Variants in CFAP299 observed in about 807,000 individuals in gnomAD.
The protein encoded by CFAP299 is cilia- and flagella-associated protein 299.
A neutral mutation model predicts 27.0 loss-of-function variants in CFAP299; 21 were observed. That is an observed-to-expected ratio of 0.78 (90% CI 0.55 to 1.12). The LOEUF is 1.12. Among genes scored for constraint, CFAP299 ranks in the 50% most tolerant of loss-of-function variants. The pLI is 0.00. For synonymous variants in CFAP299, 104 were observed against 98.1 expected (o/e 1.06, Z -0.36); for missense variants, 310 against 276.6 (o/e 1.12, Z -0.86).
At chr4:80,641,753 A>G (rs1416703182) in intron 3 of CFAP299, among the ~76,000 whole-genome samples, 1 of 152,220 alleles carries the variant, frequency 6.6e-6, no homozygotes, top group Non-Finnish European at 1.5e-5. Context: ...CTAAGTGAGC[A>G]TTATTTGGCC....
At chr4:80,801,708 A>G (rs1480708345) in intron 3 of CFAP299, among the ~76,000 whole-genome samples, 1 of 152,118 alleles carries the variant, frequency 6.6e-6, no homozygotes, top group Non-Finnish European at 1.5e-5. Context: ...AGTTAAGGGC[A>G]TCAATTGGGA....
chr4:80,579,683 T>C (rs902702439), intron 2 of CFAP299, among the ~76,000 whole-genome samples: 3 of 152,088 alleles, frequency 2.0e-5, no homozygotes, highest in African/African-American at 7.2e-5. Context: ...TTCATAAAGA[T>C]CCACTTCCAG....
At chr4:80,842,317 C>T (rs953754839) in intron 3 of CFAP299, among the ~76,000 whole-genome samples, 1 of 151,936 alleles carries the variant, frequency 6.6e-6, no homozygotes, top group Non-Finnish European at 1.5e-5. Context: ...TTTTCATGTC[C>T]CTGGCTTATC....
chr4:80,722,706 C>T (rs1257143765), intron 3 of CFAP299, among the ~76,000 whole-genome samples: 1 of 152,020 alleles, frequency 6.6e-6, no homozygotes, highest in Non-Finnish European at 1.5e-5. Flanking sequence ...CGAGACCATC[C>T]TGGCTAACAC....
chr4:80,572,007 A>G (rs1304642719), intron 2 of CFAP299, among the ~76,000 whole-genome samples: 3 of 152,190 alleles, frequency 2.0e-5, no homozygotes, highest in Non-Finnish European at 4.4e-5. Context: ...TTACAGATAC[A>G]TATGAAACAT....
Position 80,572,792 on chromosome 4 carries a change from C to A in CFAP299, c.243-10301C>A, listed in dbSNP as rs149382380. Among the ~76,000 whole-genome samples the A allele has an allele frequency of 6.8e-3, 1,034 of 152,116 alleles. 13 individuals carry two copies. The highest frequency in any genetic ancestry group is 0.024 in the African/African-American group (993 of 41,542). On this transcript the variant is annotated intron_variant, in intron 2 of 5. Transcript: ENST00000358105. ...TGGGCCTCCCAAAGTGCTGGAATTACAGGCGTGAGCCATCATGCCTGGCCC... is the reference window on the plus strand; with the variant it reads ...TGGGCCTCCCAAAGTGCTGGAATTAAAGGCGTGAGCCATCATGCCTGGCCC...
chr4:80,610,336 G>A (rs1231985273), intron 3 of CFAP299, among the ~76,000 whole-genome samples: 1 of 151,930 alleles, frequency 6.6e-6, no homozygotes, highest in African/African-American at 2.4e-5. Flanking sequence ...CCCCTAACCT[G>A]GACTTAGTAC....
At chr4:80,780,612 A>G (rs1319724286) in intron 3 of CFAP299, among the ~76,000 whole-genome samples, 2 of 152,086 alleles carry the variant, frequency 1.3e-5, no homozygotes, top group African/African-American at 4.8e-5. Context: ...TTTAGCATCA[A>G]TAAACCTATT....
intron 2 of CFAP299, among the ~76,000 whole-genome samples, chr4:80,450,510 G>C (rs1465986751): frequency 1.3e-5 from 2 of 152,026 alleles, no homozygotes; most frequent in Non-Finnish European, 2.9e-5. Flanking sequence ...ATTTAAAGTG[G>C]TAAAGGAATA....
intron 2 of CFAP299, among the ~76,000 whole-genome samples, chr4:80,419,023 A>G (rs1412688124): frequency 6.6e-6 from 1 of 152,180 alleles, no homozygotes; most frequent in African/African-American, 2.4e-5. Flanking sequence ...TACCAGCAGC[A>G]AATCTATATC....
intron 3 of CFAP299, among the ~76,000 whole-genome samples, chr4:80,706,418 A>T (rs188962891): frequency 1.3e-5 from 2 of 151,916 alleles, no homozygotes; most frequent in East Asian, 3.9e-4. Context: ...AAACCAAAGG[A>T]ATGGTTTTTT....
At chr4:80,402,213 T>G (rs1487039266) in intron 2 of CFAP299, among the ~76,000 whole-genome samples, 1 of 152,116 alleles carries the variant, frequency 6.6e-6, no homozygotes, top group Non-Finnish European at 1.5e-5. Flanking sequence ...TTTGCGGGAC[T>G]GTTAGGAAGG....
intron 3 of CFAP299, among the ~76,000 whole-genome samples, chr4:80,630,992 AG>A (rs1739176984): frequency 6.6e-6 from 1 of 152,078 alleles, no homozygotes; most frequent in African/African-American, 2.4e-5. Context: ...AAAATTAGAA[AG>A]CATAAAAGAG....
intron 3 of CFAP299, chr4:80,790,339 C>A (rs1239523760): frequency 2.0e-5 from 3 of 152,050 alleles, no homozygotes; most frequent in African/African-American, 4.8e-5. Context: ...CTGAAAGTCC[C>A]TGTCTTAGTG....
At chr4:80,835,314 G>C (rs1578167946) in intron 3 of CFAP299, among the ~76,000 whole-genome samples, 2 of 151,914 alleles carry the variant, frequency 1.3e-5, no homozygotes, top group African/African-American at 4.8e-5. Context: ...TAGCCAGGGT[G>C]GTCTTGATCT....
intron 2 of CFAP299, among the ~76,000 whole-genome samples, chr4:80,464,280 G>A (rs1353729642): frequency 6.6e-6 from 1 of 152,084 alleles, no homozygotes; most frequent in African/African-American, 2.4e-5. Flanking sequence ...ATGGAACTCA[G>A]TTGCATAATT....
At chr4:80,595,297 A>G (rs1345140986) in intron 3 of CFAP299, among the ~76,000 whole-genome samples, 1 of 152,106 alleles carries the variant, frequency 6.6e-6, no homozygotes, top group Non-Finnish European at 1.5e-5. Flanking sequence ...CCTCCCAAAG[A>G]TAGCACAGAT....
intron 3 of CFAP299, among the ~76,000 whole-genome samples, chr4:80,802,876 T>C (rs563567200): frequency 1.1e-3 from 167 of 152,172 alleles, no homozygotes; most frequent in African/African-American, 3.8e-3. Context: ...AACTCCTTTA[T>C]AGTGAAATCT....
At chr4:80,553,134 T>A (rs1490543780) in intron 2 of CFAP299, among the ~76,000 whole-genome samples, 1 of 152,162 alleles carries the variant, frequency 6.6e-6, no homozygotes, top group Non-Finnish European at 1.5e-5. Flanking sequence ...AATAGTTATC[T>A]GCTTCTCTTC....
Sources: allele counts gnomAD v4.1 joint callset (sites outside exome capture counted in the v4.1 genomes callset), GRCh38; gene constraint gnomAD v4.1.1; transcripts MANE v1.5; gene names NCBI Gene and HGNC (gene_info 2026-07-23, HGNC 2026-07-21).